NAALADL2: variants seen among roughly 807,000 people sequenced by gnomAD.
The protein encoded by NAALADL2 is N-acetylated alpha-linked acidic dipeptidase like 2, also known as inactive N-acetylated-alpha-linked acidic dipeptidase-like protein 2.
Under a neutral mutation model 87.2 loss-of-function variants are expected in NAALADL2, and 76 were observed. The ratio of observed to expected loss-of-function variants is 0.87; its 90% confidence interval spans 0.72 to 1.05. The LOEUF (loss-of-function observed/expected upper bound fraction) is 1.05. Among genes scored for constraint, NAALADL2 ranks in the 50% least tolerant of loss-of-function variants. NAALADL2 has a pLI of 0.00. For synonymous variants in NAALADL2, 354 were observed against 331.0 expected (o/e 1.07, Z -0.75); for missense variants, 1,089 against 945.8 (o/e 1.15, Z -1.99).
At chr3:174,789,182 A>G (rs1168399416) in intron 3 of NAALADL2, among the ~76,000 whole-genome samples, 2 of 152,184 alleles carry the variant, frequency 1.3e-5, no homozygotes, top group East Asian at 3.9e-4. Flanking sequence ...ACATGCACAG[A>G]AACTCCAGGA....
chr3:174,778,636 A>G (rs1036011602), intron 3 of NAALADL2, among the ~76,000 whole-genome samples: 1 of 151,728 alleles, frequency 6.6e-6, no homozygotes, highest in Non-Finnish European at 1.5e-5. Context: ...CTAGACCCCC[A>G]CCCTGCAACA....
At chr3:175,224,219 A>G (rs371941126) in intron 2 of NAALADL2, among the ~76,000 whole-genome samples, 2 of 151,954 alleles carry the variant, frequency 1.3e-5, no homozygotes, top group East Asian at 3.9e-4. Flanking sequence ...TGCCCGGAGG[A>G]TATTGATTAG....
At chr3:175,620,328 G>A (rs1039738781) in intron 10 of NAALADL2, among the ~76,000 whole-genome samples, 1 of 152,176 alleles carries the variant, frequency 6.6e-6, no homozygotes, top group Non-Finnish European at 1.5e-5. Flanking sequence ...CGCTTAGCAC[G>A]CAGCTGAGCT....
intron 1 of NAALADL2, among the ~76,000 whole-genome samples, chr3:174,969,165 T>C (rs917907543): frequency 6.6e-6 from 1 of 152,144 alleles, no homozygotes; most frequent in Non-Finnish European, 1.5e-5. Context: ...TATCCAGTGG[T>C]GAACTTCATT....
At chr3:174,807,334 T>C (rs1719624832) in intron 3 of NAALADL2, among the ~76,000 whole-genome samples, 1 of 152,104 alleles carries the variant, frequency 6.6e-6, no homozygotes, top group Admixed American at 6.6e-5. Context: ...CTCTATTGGG[T>C]AGGACTTACA....
At chr3:175,563,645 G>T (rs1716643341) in intron 9 of NAALADL2, among the ~76,000 whole-genome samples, 1 of 152,044 alleles carries the variant, frequency 6.6e-6, no homozygotes, top group South Asian at 2.1e-4. Flanking sequence ...TCAATATAGG[G>T]GCAATAGAAA....
intron 4 of NAALADL2, among the ~76,000 whole-genome samples, chr3:175,299,607 G>T (rs1450243304): frequency 6.6e-6 from 1 of 152,136 alleles, no homozygotes; most frequent in African/African-American, 2.4e-5. Context: ...TCTACTGTTG[G>T]TGTATAGGAA....
At chr3:175,166,087 C>CA (rs537106231) in intron 2 of NAALADL2, among the ~76,000 whole-genome samples, 1,744 of 148,954 alleles carry the variant, frequency 0.012, 40 homozygotes, top group African/African-American at 0.041. Context: ...AAAAATCTTA[C>CA]AAAAAAAACT....
intron 10 of NAALADL2, among the ~76,000 whole-genome samples, chr3:175,577,802 A>G (rs1719123321): frequency 6.6e-6 from 1 of 152,220 alleles, no homozygotes; most frequent in Non-Finnish European, 1.5e-5. Context: ...TTGAGATGAA[A>G]TAATTTTTTT....
At chr3:175,328,937 A>G (rs1761081334) in intron 5 of NAALADL2, among the ~76,000 whole-genome samples, 3 of 152,228 alleles carry the variant, frequency 2.0e-5, no homozygotes, top group Admixed American at 1.3e-4. Context: ...AACCCTTTCC[A>G]AATTTCTCAG....
chr3:174,878,984 C>T (rs181497110), intron 1 of NAALADL2, among the ~76,000 whole-genome samples: 42 of 152,046 alleles, frequency 2.8e-4, no homozygotes, highest in African/African-American at 6.7e-4. Context: ...AATCTCAGTA[C>T]GCATATTTAG....
intron 1 of NAALADL2, among the ~76,000 whole-genome samples, chr3:174,984,429 T>C (rs77242035): frequency 1.3e-5 from 2 of 151,906 alleles, no homozygotes; most frequent in African/African-American, 2.4e-5. Context: ...TTTTTTTTTT[T>C]CAACACTACG....
At chr3:175,038,202 G>A (rs1753646619) in intron 1 of NAALADL2, among the ~76,000 whole-genome samples, 1 of 152,052 alleles carries the variant, frequency 6.6e-6, no homozygotes. Context: ...TGGGAAGAAT[G>A]CTAAATGAAA....
At chr3:174,510,481 T>C (rs114284338) in intron 1 of NAALADL2, among the ~76,000 whole-genome samples, 1,750 of 152,212 alleles carry the variant, frequency 0.011, 28 homozygotes, top group African/African-American at 0.038. Context: ...CAAGGATTTT[T>C]TTTGTTTCAT....
intron 3 of NAALADL2, among the ~76,000 whole-genome samples, chr3:174,811,136 C>A (rs966075304): frequency 6.6e-6 from 1 of 152,178 alleles, no homozygotes; most frequent in Non-Finnish European, 1.5e-5. Context: ...GCTTCAGGGG[C>A]AGAGCCCTTA....
At chr3:175,699,718 TTTA>T (rs1468654150) in intron 11 of NAALADL2, among the ~76,000 whole-genome samples, 1 of 151,584 alleles carries the variant, frequency 6.6e-6, no homozygotes, top group African/African-American at 2.4e-5. Context: ...AATCAGTATA[TTTA>T]TTGAGTGCCA....
At chr3:175,519,749 T>C (rs996887982) in intron 9 of NAALADL2, among the ~76,000 whole-genome samples, 1 of 152,112 alleles carries the variant, frequency 6.6e-6, no homozygotes. Flanking sequence ...AAAAGAAATT[T>C]CCTGTATATA....
At chr3:175,208,065 G>A (rs1012560249) in intron 2 of NAALADL2, among the ~76,000 whole-genome samples, 2 of 152,116 alleles carry the variant, frequency 1.3e-5, no homozygotes, top group Non-Finnish European at 2.9e-5. Flanking sequence ...TATCTTTTGA[G>A]AACAACATGC....
intron 13 of NAALADL2, among the ~76,000 whole-genome samples, chr3:175,788,999 C>A (rs1410943468): frequency 1.3e-5 from 2 of 152,148 alleles, no homozygotes; most frequent in Non-Finnish European, 2.9e-5. Context: ...ATTTCAAGGT[C>A]TTCATGAACA....
Sources: gnomAD v4.1 joint callset for allele counts (sites outside exome capture counted in the v4.1 genomes callset) on GRCh38, gnomAD v4.1.1 for gene constraint, MANE v1.5 for transcripts, NCBI Gene and HGNC (gene_info 2026-07-23, HGNC 2026-07-21) for gene names.